The following PRKCB variants were observed in gnomAD, a reference collection of about 807,000 sequenced individuals.
PRKCB encodes protein kinase C beta type.
Under a neutral mutation model 81.5 loss-of-function variants are expected in PRKCB, and 13 were observed. That is an observed-to-expected ratio of 0.16 (90% CI 0.10 to 0.25). The LOEUF (loss-of-function observed/expected upper bound fraction) is 0.25. Ranked by LOEUF, PRKCB falls within the 10% of genes least tolerant of loss-of-function variation. The probability of loss-of-function intolerance (pLI) is 1.00; values close to 1 mark genes in which losing one functional copy is unlikely to be tolerated. For synonymous variants in PRKCB, 335 were observed against 321.4 expected, an observed-to-expected ratio of 1.04 and a Z score of -0.45; for missense variants, 509 against 875.7, an observed-to-expected ratio of 0.58 and a Z score of 5.29.
intron 2 of PRKCB, among the ~76,000 whole-genome samples, chr16:23,899,252 G>A (rs1393867465): frequency 1.3e-5 from 2 of 152,262 alleles, no homozygotes; most frequent in Non-Finnish European, 2.9e-5. Context: ...ATTGGGATCA[G>A]TGATTGGCAT....
intron 5 of PRKCB, among the ~76,000 whole-genome samples, chr16:24,088,317 T>A (rs565644719): frequency 6.6e-6 from 1 of 152,132 alleles, no homozygotes; most frequent in Non-Finnish European, 1.5e-5. Context: ...TTTTGGCCCC[T>A]TTGGTAGAGA....
intron 2 of PRKCB, among the ~76,000 whole-genome samples, chr16:23,957,570 C>T (rs922697047): frequency 3.3e-5 from 5 of 152,182 alleles, no homozygotes; most frequent in African/African-American, 4.8e-5. Flanking sequence ...CTTATTCCCA[C>T]GTGAAGCATC....
intron 2 of PRKCB, among the ~76,000 whole-genome samples, chr16:23,929,160 G>A (rs1024057273): frequency 6.6e-6 from 1 of 152,072 alleles, no homozygotes; most frequent in African/African-American, 2.4e-5. Flanking sequence ...ATGTTTTCAG[G>A]ACAAATTAGT....
chr16:24,129,020 G>A (rs1966849197), intron 9 of PRKCB, among the ~76,000 whole-genome samples: 1 of 152,146 alleles, frequency 6.6e-6, no homozygotes, highest in Admixed American at 6.5e-5. Flanking sequence ...GCAAATACTT[G>A]ATCAAGTATA....
intron 9 of PRKCB, among the ~76,000 whole-genome samples, chr16:24,125,543 GA>G (rs1283679036): frequency 6.6e-6 from 1 of 152,184 alleles, no homozygotes; most frequent in African/African-American, 2.4e-5. Context: ...ACTACCCACT[GA>G]AAAGTTGCCG....
At chr16:23,964,870 A>C (rs1964467731) in intron 2 of PRKCB, among the ~76,000 whole-genome samples, 1 of 151,936 alleles carries the variant, frequency 6.6e-6, no homozygotes, top group Non-Finnish European at 1.5e-5. Flanking sequence ...GGGTTTCATC[A>C]TGTTGGCCAG....
intron 16 of PRKCB, among the ~76,000 whole-genome samples, chr16:24,197,778 T>C (rs568687825): frequency 6.6e-6 from 1 of 152,272 alleles, no homozygotes; most frequent in African/African-American, 2.4e-5. Context: ...TGGCATCTTG[T>C]AGGCACTCAG....
intron 2 of PRKCB, among the ~76,000 whole-genome samples, chr16:23,853,579 C>T (rs1019263761): frequency 1.3e-5 from 2 of 152,190 alleles, no homozygotes; most frequent in African/African-American, 4.8e-5. Flanking sequence ...TCTCCAAAGC[C>T]ATAATTTCCT....
chr16:24,033,041 G>A (rs1052794880), intron 4 of PRKCB, among the ~76,000 whole-genome samples: 1 of 152,196 alleles, frequency 6.6e-6, no homozygotes, highest in Non-Finnish European at 1.5e-5. Context: ...AGGCAGGTGG[G>A]GTAGGACTCC....
chr16:24,041,066 G>T (rs62026400), intron 5 of PRKCB, among the ~76,000 whole-genome samples: 85,582 of 148,624 alleles, frequency 0.58, 25,031 homozygotes, highest in South Asian at 0.68. Context: ...TTTTTTGTGT[G>T]TGTGTGACAG....
intron 8 of PRKCB, among the ~76,000 whole-genome samples, chr16:24,115,993 G>C (rs1185954177): frequency 6.6e-6 from 1 of 151,392 alleles, no homozygotes; most frequent in African/African-American, 2.4e-5. Context: ...CCAAGTGCTG[G>C]GATTACAGGC....
chr16:23,877,773 G>A (rs1279268614), intron 2 of PRKCB, among the ~76,000 whole-genome samples: 2 of 151,958 alleles, frequency 1.3e-5, no homozygotes, highest in African/African-American at 2.4e-5. Context: ...TATCCTAAGT[G>A]CCTTAGTGGT....
In PRKCB at chr16:24,217,448, A is replaced by T. The variant is rs1247883284; in HGVS notation, c.*2632A>T. 2.0e-6 allele frequency: 2 copies of T among 985,330 alleles called. No homozygotes were observed. Among genetic ancestry groups the T allele is most frequent in the African/African-American group, 3.5e-5 (2 of 57,246 alleles). 61.0% of individuals were successfully genotyped at this position (985,330 alleles called of 1,614,324 possible). A position where few individuals can be genotyped will look rare whatever the true frequency, so the allele number is the denominator to read the frequency against. On this transcript the variant is annotated 3_prime_UTR_variant, in exon 17 of 17. Transcript: ENST00000643927. ...TTAATGGGAGGTCAGTAGAATTAATAACCCTCCTTGGATGAGTGCTACTGT... is the reference window on the plus strand; with the variant it reads ...TTAATGGGAGGTCAGTAGAATTAATTACCCTCCTTGGATGAGTGCTACTGT...
intron 2 of PRKCB, among the ~76,000 whole-genome samples, chr16:23,874,201 C>T (rs565597504): frequency 2.6e-5 from 4 of 152,200 alleles, no homozygotes; most frequent in African/African-American, 7.2e-5. Context: ...TTTGAAAAAA[C>T]GGCAGCGTAG....
rs55986931 is a variant in PRKCB, at chr16:23,950,132, A to AGTTTTTTTTTTTTTTTTTT, written c.206-38376_206-38375insGTTTTTTTTTTTTTTTTTT. Among the ~76,000 whole-genome samples the AGTTTTTTTTTTTTTTTTTT allele has an allele frequency of 1.2e-4, 12 of 97,760 alleles. 3 individuals are homozygous for AGTTTTTTTTTTTTTTTTTT. The highest frequency in any genetic ancestry group is 2.5e-4 in the African/African-American group (6 of 24,092). 64.1% of individuals were successfully genotyped at this position (97,760 alleles called of 152,430 possible). On this transcript the variant is annotated intron_variant, in intron 2 of 16. Coordinates refer to ENST00000643927, the MANE Select transcript of PRKCB (RefSeq NM_002738.7). Reference sequence around the variant, plus strand: ...AGCAGCATTGGCCCCTATGATTTGAATTTTTTTTTTTTTTTTTTTTTTTTT... The same window carrying AGTTTTTTTTTTTTTTTTTT: ...AGCAGCATTGGCCCCTATGATTTGAAGTTTTTTTTTTTTTTTTTTTTTTTTTTTTTTTTTTTTTTTTTTT...
chr16:23,902,780 T>TCCTTCCTTCCTTCCTC (rs1567307987), intron 2 of PRKCB, among the ~76,000 whole-genome samples: 4 of 27,388 alleles, frequency 1.5e-4, no homozygotes, highest in Middle Eastern at 0.029. Flanking sequence ...CTTCCTTCCT[T>TCCTTCCTTCCTTCCTC]CCTCCCTCCC....
At chr16:23,849,472 A>G (rs1962435134) in intron 2 of PRKCB, among the ~76,000 whole-genome samples, 1 of 152,174 alleles carries the variant, frequency 6.6e-6, no homozygotes, top group Non-Finnish European at 1.5e-5. Context: ...GAGTGCTGCA[A>G]ATGAAGATTT....
chr16:24,081,781 G>T (rs918000656), intron 5 of PRKCB, among the ~76,000 whole-genome samples: 5 of 152,102 alleles, frequency 3.3e-5, no homozygotes, highest in Non-Finnish European at 4.4e-5. Context: ...GTAGGCAGGA[G>T]AATTGCTTGA....
intron 7 of PRKCB, among the ~76,000 whole-genome samples, chr16:24,109,483 A>T: frequency 1.9e-5 from 2 of 106,240 alleles, no homozygotes; most frequent in South Asian, 6.2e-4. Context: ...GGCGGGGCAG[A>T]GGCGCTCCCC....
Sources: gnomAD v4.1 joint callset for allele counts (sites outside exome capture counted in the v4.1 genomes callset) on GRCh38, gnomAD v4.1.1 for gene constraint, MANE v1.5 for transcripts, NCBI Gene and HGNC (gene_info 2026-07-23, HGNC 2026-07-21) for gene names.